KDM3B: variants seen among roughly 807,000 people sequenced by gnomAD.
KDM3B encodes the protein lysine demethylase 3B, also known as lysine-specific demethylase 3B.
Under a neutral mutation model 170.0 loss-of-function variants are expected in KDM3B, and 10 were observed. The ratio of observed to expected loss-of-function variants is 0.06; its 90% confidence interval spans 0.04 to 0.10. The LOEUF (loss-of-function observed/expected upper bound fraction) is 0.10. Ranked by LOEUF, KDM3B falls within the 10% of genes least tolerant of loss-of-function variation. The probability of loss-of-function intolerance (pLI) is 1.00; values close to 1 mark genes in which losing one functional copy is unlikely to be tolerated. For missense variants in KDM3B, 1,394 were observed against 2,195.2 expected (o/e 0.64, Z 7.29); for synonymous variants, 831 against 834.8 (o/e 1.00, Z 0.08).
At chr5:138,434,281 G>T (rs112875859) in intron 23 of KDM3B, among the ~76,000 whole-genome samples, 114 of 152,164 alleles carry the variant, frequency 7.5e-4, no homozygotes, top group African/African-American at 2.5e-3. Flanking sequence ...TGGGCGCGGT[G>T]GCTCACGCCT....
intron 1 of KDM3B, among the ~76,000 whole-genome samples, chr5:138,371,902 C>T (rs915654598): frequency 2.0e-5 from 3 of 152,138 alleles, no homozygotes; most frequent in Non-Finnish European, 2.9e-5. Context: ...GTGTACAGAT[C>T]CCTTGTTCAG....
intron 1 of KDM3B, among the ~76,000 whole-genome samples, chr5:138,357,322 A>T (rs534085617): frequency 3.3e-5 from 5 of 152,016 alleles, no homozygotes; most frequent in Admixed American, 6.6e-5. Context: ...CTTGACTGGG[A>T]AGGAATCCCC....
intron 13 of KDM3B, 78 bp from the exon 14 acceptor site, chr5:138,418,875 G>C (rs1358132172): frequency 7.6e-7 from 1 of 1,324,378 alleles, no homozygotes; most frequent in Non-Finnish European, 1.1e-6. Context: ...GACCTATTTA[G>C]TATGTGAAGC....
Position 138,424,091 on chromosome 5 carries a change from C to A in KDM3B, c.3989C>A (p.Ala1330Asp). The A allele has an allele frequency of 1.3e-6, 2 of 1,569,500 alleles. No individual in the cohort carries two copies. Among genetic ancestry groups the A allele is most frequent in the Non-Finnish European group, 8.7e-7 (1 of 1,153,700 alleles). Residue 1330 changes from alanine to aspartate, a missense_variant, in exon 16 of 24, where the codon GCC (alanine) becomes GAC (aspartate). Transcript: ENST00000314358. ...GTCTGGCAGGGAGTGAAGAGCAAGG[C>A]CAGCCTACCCAACTTTCTTGACCAC... is the stretch of plus-strand genomic sequence containing the variant. ...STSSAGVKSK[A>D]SLPNFLDHII...
intron 9 of KDM3B, 73 bp downstream of exon 9, chr5:138,393,445 C>CT (rs77999870): frequency 0.2 from 250,789 of 1,229,134 alleles, 30,621 homozygotes; most frequent in East Asian, 0.52. Context: ...TTCTCTGAGT[C>CT]TATAAACATG....
intron 23 of KDM3B, among the ~76,000 whole-genome samples, chr5:138,434,167 G>A (rs1763611339): frequency 6.6e-6 from 1 of 152,138 alleles, no homozygotes; most frequent in South Asian, 2.1e-4. Flanking sequence ...GAGGTGGGAG[G>A]ATTACTTGAG....
chr5:138,389,606 G>A (rs1762372584), intron 7 of KDM3B, among the ~76,000 whole-genome samples: 2 of 152,078 alleles, frequency 1.3e-5, no homozygotes, highest in Admixed American at 6.6e-5. Context: ...AAGTGGTGAT[G>A]GAATAATTTT....
chr5:138,402,992 C>G (rs1467154498), intron 11 of KDM3B, among the ~76,000 whole-genome samples: 1 of 152,100 alleles, frequency 6.6e-6, no homozygotes, highest in Non-Finnish European at 1.5e-5. Context: ...CCTCAAAGCC[C>G]AAGATGGAAC....
intron 2 of KDM3B, 31 bp downstream of exon 2, chr5:138,372,872 C>G (rs1304792894): frequency 1.3e-6 from 2 of 1,586,180 alleles, no homozygotes; most frequent in East Asian, 4.5e-5. Context: ...GGGAACATGT[C>G]TGAGCTTTAC....
At chr5:138,379,455 G>T (rs969772699) in intron 4 of KDM3B, 129 bp from the exon 5 acceptor site, 32 of 751,188 alleles carry the variant, frequency 4.3e-5, no homozygotes, top group Non-Finnish European at 6.4e-5. Context: ...TTGCTCATTT[G>T]TTCAGTTCTA....
intron 15 of KDM3B, among the ~76,000 whole-genome samples, chr5:138,422,901 G>A (rs1206589940): frequency 6.6e-6 from 1 of 152,128 alleles, no homozygotes; most frequent in African/African-American, 2.4e-5. Flanking sequence ...GTGGGTGACT[G>A]AGCCCTCTAT....
At chr5:138,354,524 G>T (rs1202897093) in intron 1 of KDM3B, among the ~76,000 whole-genome samples, 1 of 152,174 alleles carries the variant, frequency 6.6e-6, no homozygotes, top group Non-Finnish European at 1.5e-5. Context: ...TCTGGTTCTT[G>T]CAGTGGTCGT....
rs986478386 is a variant in KDM3B at position 138,391,640 on chromosome 5, G to C, written c.2008G>C (p.Val670Leu). The C allele has an allele frequency of 1.2e-6, 2 of 1,614,018 alleles. No individual in the cohort carries two copies. The highest frequency in any genetic ancestry group is 2.2e-5 in the South Asian group (2 of 91,076). ...TTCTGCTACCACTGTCACCTCCAAG[G>C]TGGCACCCAGCTGGCCCGAGTCTCA... is the stretch of plus-strand genomic sequence containing the variant. ...SSSATTVTSKVAPSWPESHSS... is the reference protein window; with the variant it reads ...SSSATTVTSKLAPSWPESHSS... The change falls in exon 8 of 24, where the codon GTG (valine) becomes CTG (leucine). Residue 670 changes from valine to leucine, a missense_variant. Transcript: ENST00000314358. This position sits in a 1 kb window ranked among gnomAD's most constrained non-coding sequence, Gnocchi z 5.0.
chr5:138,428,349 T>C (rs1470066705), intron 20 of KDM3B, among the ~76,000 whole-genome samples: 1 of 152,016 alleles, frequency 6.6e-6, no homozygotes, highest in Non-Finnish European at 1.5e-5. Flanking sequence ...GTAGCTGGGA[T>C]TACAGGTGCC....
chr5:138,428,940 C>CTTTT (rs397884825), intron 20 of KDM3B, among the ~76,000 whole-genome samples: 71 of 101,214 alleles, frequency 7.0e-4, no homozygotes, highest in Non-Finnish European at 9.4e-4. Flanking sequence ...GGGATAATTT[C>CTTTT]TTTTTTTTTT....
intron 11 of KDM3B, among the ~76,000 whole-genome samples, chr5:138,402,686 T>C (rs1762721672): frequency 6.6e-6 from 1 of 152,176 alleles, no homozygotes; most frequent in African/African-American, 2.4e-5. Context: ...AGATAAAATA[T>C]ATGAAACCAC....
intron 20 of KDM3B, among the ~76,000 whole-genome samples, chr5:138,429,252 A>G (rs1763473032): frequency 6.6e-6 from 1 of 152,098 alleles, no homozygotes; most frequent in East Asian, 1.9e-4. Context: ...GGGTGTCACC[A>G]TGTTGGCCAG....
chr5:138,363,602 A>G (rs1255144448), intron 1 of KDM3B, among the ~76,000 whole-genome samples: 1 of 152,192 alleles, frequency 6.6e-6, no homozygotes, highest in Admixed American at 6.5e-5. Flanking sequence ...TCTGGAGTGC[A>G]GTGGTGTGAT....
chr5:138,402,848 A>G (rs1762725316), intron 11 of KDM3B, among the ~76,000 whole-genome samples: 1 of 152,178 alleles, frequency 6.6e-6, no homozygotes, highest in Admixed American at 6.5e-5. Context: ...GAAACTGGCA[A>G]CCTTACTGAC....
Sources: gnomAD v4.1 joint callset for allele counts (sites outside exome capture counted in the v4.1 genomes callset) on GRCh38, gnomAD v4.1.1 for gene constraint, Gnocchi (gnomAD v3.1) non-coding constraint, MANE v1.5 for transcripts, NCBI Gene and HGNC (gene_info 2026-07-23, HGNC 2026-07-21) for gene names.